Variants in EIF2AK3 observed in about 807,000 individuals in gnomAD.
The protein encoded by EIF2AK3 is eukaryotic translation initiation factor 2 alpha kinase 3.
Under a neutral mutation model 113.5 loss-of-function variants are expected in EIF2AK3, and 50 were observed. The observed-to-expected ratio is 0.44, with a 90% CI of 0.35 to 0.56. The LOEUF is 0.56. Ranked by LOEUF, EIF2AK3 falls within the 20% of genes least tolerant of loss-of-function variation. The probability of loss-of-function intolerance (pLI) is 0.00; values close to 1 mark genes in which losing one functional copy is unlikely to be tolerated. For missense variants in EIF2AK3, 1,185 were observed against 1,378.0 expected, an observed-to-expected ratio of 0.86 and a Z score of 2.22; for synonymous variants, 448 against 495.4, an observed-to-expected ratio of 0.90 and a Z score of 1.27.
chr2:88,607,584 C>T (rs906531299), intron 2 of EIF2AK3, among the ~76,000 whole-genome samples: 14 of 152,298 alleles, frequency 9.2e-5, no homozygotes, highest in African/African-American at 3.4e-4. Context: ...TAATTTAAAA[C>T]ATCTGTTCTT....
At chr2:88,569,079 C>T (rs1052878457) in intron 14 of EIF2AK3, among the ~76,000 whole-genome samples, 5 of 152,148 alleles carry the variant, frequency 3.3e-5, no homozygotes, top group African/African-American at 1.2e-4. Flanking sequence ...TTACAAGAGA[C>T]GGGGTTTCAC....
At chr2:88,617,737 C>G (rs201575214) in intron 1 of EIF2AK3, among the ~76,000 whole-genome samples, 2 of 142,688 alleles carry the variant, frequency 1.4e-5, no homozygotes, top group Non-Finnish European at 3.0e-5. Flanking sequence ...AGCCTGGCAA[C>G]ACAGCGAGAC....
In EIF2AK3 at chr2:88,588,702, C is replaced by G. The variant is rs537633313; in HGVS notation, c.1306+59G>C. 3.2e-6 allele frequency: 5 copies of G among 1,586,958 alleles called. No homozygotes were observed. The South Asian group carries it at 5.5e-5, about 18-fold the overall frequency. ...GCAGTATTCAAAACTAGGGCAAAGACAGTCAGGATTAGGTCTCTGAACACT... is the reference window on the plus strand; with the variant it reads ...GCAGTATTCAAAACTAGGGCAAAGAGAGTCAGGATTAGGTCTCTGAACACT... On this transcript the variant is annotated intron_variant, in intron 7 of 16. Coordinates refer to ENST00000303236, the MANE Select transcript of EIF2AK3 (RefSeq NM_004836.7).
At chr2:88,580,431 C>A (rs932252541) in intron 10 of EIF2AK3, among the ~76,000 whole-genome samples, 6 of 152,116 alleles carry the variant, frequency 3.9e-5, no homozygotes, top group Admixed American at 1.3e-4. Context: ...TTTCTTAGAC[C>A]CCTGTCTTGA....
rs1311931052 is a variant in EIF2AK3 at position 88,599,172 on chromosome 2, T to C, written c.439-3509A>G. ...AAGACCATACCATTAAATGAAGGTT[T>C]ACCATAATTCTAGACATTTAAGGGT... is the stretch of plus-strand genomic sequence containing the variant. On this transcript the variant is annotated intron_variant, in intron 2 of 16. Transcript: ENST00000303236. Among the ~76,000 whole-genome samples, 4 of 152,166 alleles carry C rather than the reference T, an allele frequency of 2.6e-5. No individual in the cohort carries two copies. The East Asian group carries it at 7.7e-4, about 29-fold the overall frequency.
chr2:88,575,508 T>TG, intron 12 of EIF2AK3, 62 bp from the exon 13 acceptor site: 1 of 1,567,236 alleles, frequency 6.4e-7, no homozygotes. Flanking sequence ...GTACCTGAAC[T>TG]GCACCCTCTG....
intron 6 of EIF2AK3, among the ~76,000 whole-genome samples, chr2:88,589,952 A>G (rs974722302): frequency 1.3e-5 from 2 of 152,136 alleles, no homozygotes; most frequent in African/African-American, 2.4e-5. Context: ...AAATTTCAGA[A>G]TTGGGCTGGG....
chr2:88,596,781 A>G (rs1675032076), intron 2 of EIF2AK3, among the ~76,000 whole-genome samples: 2 of 152,206 alleles, frequency 1.3e-5, no homozygotes, highest in African/African-American at 4.8e-5. Context: ...GGTTTGGGAT[A>G]TAATTGAAAG....
intron 2 of EIF2AK3, among the ~76,000 whole-genome samples, chr2:88,609,063 A>G (rs1034875031): frequency 6.6e-6 from 1 of 150,500 alleles, no homozygotes; most frequent in Admixed American, 6.6e-5. Flanking sequence ...GTTTTGTCCA[A>G]CTTTTTTTTT....
At chr2:88,609,683 A>C (rs975617591) in intron 2 of EIF2AK3, among the ~76,000 whole-genome samples, 6 of 152,202 alleles carry the variant, frequency 3.9e-5, no homozygotes, top group Non-Finnish European at 7.3e-5. Context: ...TTGAGCTCCA[A>C]TTTTACTCAA....
At chr2:88,621,561 T>C (rs974400959) in intron 1 of EIF2AK3, among the ~76,000 whole-genome samples, 1 of 152,214 alleles carries the variant, frequency 6.6e-6, no homozygotes, top group African/African-American at 2.4e-5. Flanking sequence ...TGAGAATCCT[T>C]TGCCCAAACT....
intron 11 of EIF2AK3, among the ~76,000 whole-genome samples, chr2:88,577,749 T>C (rs1674498762): frequency 6.6e-6 from 1 of 152,178 alleles, no homozygotes; most frequent in African/African-American, 2.4e-5. Flanking sequence ...TCCAGAACTC[T>C]CACCATTCTC....
Position 88,590,850 on chromosome 2 carries a change from T to C in EIF2AK3, c.970A>G (p.Lys324Glu). 6.2e-7 allele frequency: 1 copy of C among 1,614,138 alleles called. No homozygotes were observed. Among genetic ancestry groups the C allele is most frequent in the South Asian group, 1.1e-5 (1 of 91,082 alleles). ...TCCCATTCCAGATGTCCTCCCTTCTTACTGAATGCCATAACTTTCCAGTCA... is the reference window on the plus strand; with the variant it reads ...TCCCATTCCAGATGTCCTCCCTTCTCACTGAATGCCATAACTTTCCAGTCA... ...VADWKVMAFS[K>E]KGGHLEWEYQ... Residue 324 changes from lysine to glutamate, a missense_variant, in exon 5 of 17, where the codon AAG (lysine) becomes GAG (glutamate). Physicochemically the swap from Lys to Glu is moderately conservative, Grantham distance 56 (BLOSUM62 1). This residue lies in a region of EIF2AK3 where 877 missense variants were observed against 1,024.2 expected (regional missense o/e 0.86). Coordinates refer to ENST00000303236, the MANE Select transcript of EIF2AK3 (RefSeq NM_004836.7).
Position 88,557,933 on chromosome 2 carries a change from C to T in EIF2AK3, c.3154G>A (p.Val1052Met), listed in dbSNP as rs746319005. The T allele has an allele frequency of 9.7e-5, 157 of 1,613,780 alleles. No individual in the cohort carries two copies. The highest frequency in any genetic ancestry group is 1.6e-4 in the Middle Eastern group (1 of 6,082). ...GGAGAGAGCATGTCTTGAACCATCA[C>T]GTACTGAAAATATAAAAATTGTTTT... ...LFTQKYPCEY[V>M]MVQDMLSPSP... is the part of the protein sequence containing the mutation. Residue 1052 changes from valine to methionine, a missense_variant, in exon 17 of 17, where the codon GTG becomes ATG. Val to Met is a conservative substitution (Grantham distance 21). Coordinates refer to ENST00000303236, the MANE Select transcript of EIF2AK3 (RefSeq NM_004836.7).
intron 15 of EIF2AK3, among the ~76,000 whole-genome samples, chr2:88,561,408 C>T (rs985392888): frequency 1.1e-4 from 17 of 152,026 alleles, no homozygotes; most frequent in East Asian, 1.9e-4. Context: ...ACTACAGGCA[C>T]GTGCCACCAT....
chr2:88,597,738 A>G (rs1675053892), intron 2 of EIF2AK3, among the ~76,000 whole-genome samples: 1 of 152,160 alleles, frequency 6.6e-6, no homozygotes, highest in African/African-American at 2.4e-5. Context: ...AATTTTGGCA[A>G]TGTAAGTTTA....
Position 88,585,858 on chromosome 2 carries a change from G to A in EIF2AK3, c.1633C>T (p.His545Tyr). The change falls in exon 9 of 17, where the codon CAT becomes TAT. Residue 545 changes from histidine (H) to tyrosine (Y), a missense_variant. This residue lies in a region of EIF2AK3 where 877 missense variants were observed against 1,024.2 expected (regional missense o/e 0.86). Transcript: ENST00000303236. ...ATTCTTACCCTGTGAGGATGAGGAT[G>A]GAAAAGCCTGCGCACAATAAACGTT... ...ATTFIVRRLF[H>Y]PHPHRQRKES... 6.2e-7 allele frequency: 1 copy of A among 1,613,726 alleles called. No homozygotes were observed. Among genetic ancestry groups the A allele is most frequent in the African/African-American group, 1.3e-5 (1 of 75,012 alleles).
rs1675878587 is a variant in EIF2AK3, at chr2:88,626,951, G to C, written c.308+16C>G. 4.4e-6 allele frequency: 7 copies of C among 1,606,490 alleles called. No individual in the cohort carries two copies. Among genetic ancestry groups the C allele is most frequent in the Non-Finnish European group, 3.4e-6 (4 of 1,177,934 alleles). ...CGCGTAAACAAGTTGCCTCCCCCGG[G>C]TCGGCAGCCCCTCACCTGCCGCGCG... On this transcript the variant is annotated intron_variant, in intron 1 of 16. Transcript: ENST00000303236.
At chr2:88,587,582 TA>T (rs1674769347) in intron 8 of EIF2AK3, among the ~76,000 whole-genome samples, 1 of 152,364 alleles carries the variant, frequency 6.6e-6, no homozygotes, top group Admixed American at 6.5e-5. Flanking sequence ...TACAGGCAAC[TA>T]TACAGCCTAC....
Sources: gnomAD v4.1 joint callset for allele counts (sites outside exome capture counted in the v4.1 genomes callset) on GRCh38, gnomAD v4.1.1 for gene constraint, gnomAD v4.1.1 regional missense constraint, MANE v1.5 for transcripts, NCBI Gene and HGNC (gene_info 2026-07-23, HGNC 2026-07-21) for gene names.